The following KIDINS220 variants were observed in gnomAD, a reference collection of about 807,000 sequenced individuals.
KIDINS220 encodes the protein kinase D-interacting substrate of 220 kDa.
Under a neutral mutation model 157.6 loss-of-function variants are expected in KIDINS220, and 63 were observed. The observed-to-expected ratio is 0.40, with a 90% CI of 0.33 to 0.49. KIDINS220 has a LOEUF of 0.49. KIDINS220 is among the 20% of genes least tolerant of loss of function. The probability of loss-of-function intolerance (pLI) is 0.66; values close to 1 mark genes in which losing one functional copy is unlikely to be tolerated. For synonymous variants in KIDINS220, 732 were observed against 783.6 expected, an observed-to-expected ratio of 0.93 and a Z score of 1.10; for missense variants, 1,772 against 2,171.2, an observed-to-expected ratio of 0.82 and a Z score of 3.65.
intron 4 of KIDINS220, among the ~76,000 whole-genome samples, 160 bp from the exon 5 acceptor site, chr2:8,813,495 A>C (rs1676621425): frequency 6.6e-6 from 1 of 152,262 alleles, no homozygotes; most frequent in Non-Finnish European, 1.5e-5. Flanking sequence ...CAAATACAAT[A>C]GTACATGAAA....
chr2:8,804,632 C>T (rs922403711), intron 7 of KIDINS220, among the ~76,000 whole-genome samples: 9 of 152,204 alleles, frequency 5.9e-5, no homozygotes, highest in Non-Finnish European at 1.5e-5. Flanking sequence ...TACAATATTA[C>T]TTTAAATTTT....
intron 22 of KIDINS220, among the ~76,000 whole-genome samples, chr2:8,755,889 G>C (rs1439291827): frequency 3.9e-5 from 6 of 152,164 alleles, no homozygotes; most frequent in Non-Finnish European, 4.4e-5. Flanking sequence ...TAGCTTTGTA[G>C]TATGTCTGAA....
intron 22 of KIDINS220, chr2:8,757,118 T>C: frequency 3.1e-6 from 1 of 319,258 alleles, no homozygotes; most frequent in Non-Finnish European, 4.5e-6. Flanking sequence ...AAATTCATTT[T>C]AGGAAAAAAA....
intron 26 of KIDINS220, among the ~76,000 whole-genome samples, chr2:8,740,373 T>C (rs1402405716): frequency 6.6e-6 from 1 of 152,116 alleles, no homozygotes; most frequent in Non-Finnish European, 1.5e-5. Context: ...CCAACCACAG[T>C]AGCTGCATTC....
intron 26 of KIDINS220, among the ~76,000 whole-genome samples, chr2:8,742,976 A>C (rs1030173067): frequency 6.6e-6 from 1 of 152,206 alleles, no homozygotes; most frequent in Non-Finnish European, 1.5e-5. Context: ...GCCAAACTAC[A>C]GAGCTTCGAG....
chr2:8,775,676 G>A (rs1038536559), intron 21 of KIDINS220, among the ~76,000 whole-genome samples: 2 of 152,206 alleles, frequency 1.3e-5, no homozygotes. Context: ...ATTAATATGA[G>A]ACACAGGGAC....
chr2:8,790,185 G>A, intron 13 of KIDINS220, 126 bp from the exon 14 acceptor site: 1 of 788,098 alleles, frequency 1.3e-6, no homozygotes, highest in South Asian at 2.0e-5. Flanking sequence ...TCCCTAGATG[G>A]AATACTGCCA....
intron 15 of KIDINS220, among the ~76,000 whole-genome samples, chr2:8,787,989 T>G (rs952300368): frequency 6.6e-6 from 1 of 152,164 alleles, no homozygotes; most frequent in Non-Finnish European, 1.5e-5. Context: ...CCAAGGCCAG[T>G]GGCTGGACCC....
rs1671347834 is a variant in KIDINS220, at chr2:8,779,046, C to T, written c.2464G>A (p.Val822Met). 2 of 1,614,128 alleles carry T rather than the reference C, an allele frequency of 1.2e-6. No individual in the cohort carries two copies. Among genetic ancestry groups the T allele is most frequent in the East Asian group, 4.5e-5 (2 of 44,888 alleles). The part of the protein sequence containing the change: ...IKAINQNLNS[V>M]LRDSNINGHD... ...CCATTTATATTTGAATCCCGAAGCA[C>T]ACTATTGAGGTTCTGGTTAATTGCC... Residue 822 changes from valine (V) to methionine (M), a missense_variant, in exon 19 of 30, where the codon GTG (valine) becomes ATG (methionine). By Grantham distance (21) the Val-to-Met change is conservative (BLOSUM62 1). This residue lies in a region of KIDINS220 where 725 missense variants were observed against 1,017.1 expected (regional missense o/e 0.71). Coordinates refer to ENST00000256707, the MANE Select transcript of KIDINS220 (RefSeq NM_020738.4).
intron 28 of KIDINS220, 56 bp downstream of exon 28, chr2:8,734,599 T>G: frequency 8.2e-7 from 1 of 1,212,962 alleles, no homozygotes; most frequent in Non-Finnish European, 1.2e-6. Flanking sequence ...TATAAATAAT[T>G]TTGAATGTTA....
At chr2:8,805,901 T>C (rs1363669493) in intron 7 of KIDINS220, among the ~76,000 whole-genome samples, 1 of 152,176 alleles carries the variant, frequency 6.6e-6, no homozygotes, top group East Asian at 1.9e-4. Context: ...CAGCCAGATG[T>C]GTGTAAGTGC....
Position 8,729,000 on chromosome 2 carries a change from G to A in KIDINS220, c.*1720C>T. 1.1e-5 allele frequency: 11 copies of A among 979,432 alleles called. No individual in the cohort carries two copies. The highest frequency in any genetic ancestry group is 1.3e-5 in the Non-Finnish European group (11 of 824,128). The allele number at this position is 979,432 out of a possible 1,614,324, so 60.7% of individuals were successfully genotyped here. A position where few individuals can be genotyped will look rare whatever the true frequency, so the allele number is the denominator to read the frequency against. On this transcript the variant is annotated 3_prime_UTR_variant, in exon 30 of 30. Coordinates refer to ENST00000256707, the MANE Select transcript of KIDINS220 (RefSeq NM_020738.4). The stretch of plus-strand genomic sequence containing the variant: ...TATGCTAGTATTAATTTCACAAACA[G>A]TATAAAGAATGTACTCCAATGATAT...
chr2:8,779,576 A>G (rs1453307090), intron 18 of KIDINS220, 98 bp downstream of exon 18: 5 of 1,349,618 alleles, frequency 3.7e-6, no homozygotes. Flanking sequence ...ACTCAAACAA[A>G]AACCAATTCC....
At chr2:8,751,232 A>T (rs899926655) in intron 23 of KIDINS220, among the ~76,000 whole-genome samples, 2 of 150,290 alleles carry the variant, frequency 1.3e-5, no homozygotes, top group Admixed American at 1.3e-4. Flanking sequence ...ATAAAGTGAG[A>T]TCCACAAATA....
intron 22 of KIDINS220, among the ~76,000 whole-genome samples, chr2:8,763,480 T>C (rs1411851859): frequency 6.6e-6 from 1 of 152,224 alleles, no homozygotes; most frequent in East Asian, 1.9e-4. Flanking sequence ...AGATTAGGGA[T>C]ATGCAACCTG....
chr2:8,829,178 T>G (rs906862568), intron 1 of KIDINS220, among the ~76,000 whole-genome samples: 7 of 152,204 alleles, frequency 4.6e-5, no homozygotes, highest in African/African-American at 1.7e-4. Flanking sequence ...GGGAATGAGA[T>G]GGCTACAAAA....
At chr2:8,760,333 A>C (rs1001955651) in intron 22 of KIDINS220, among the ~76,000 whole-genome samples, 7 of 152,226 alleles carry the variant, frequency 4.6e-5, no homozygotes, top group Admixed American at 2.0e-4. Flanking sequence ...TATGCAAACC[A>C]GTACACTACA....
chr2:8,721,186 G>A (rs994270196), downstream of KIDINS220: 2 of 151,944 alleles, frequency 1.3e-5, no homozygotes, highest in Non-Finnish European at 2.9e-5. Flanking sequence ...CATTAATACT[G>A]TTCAATAATA....
At chr2:8,755,967 T>C (rs963543583) in intron 22 of KIDINS220, among the ~76,000 whole-genome samples, 2 of 152,244 alleles carry the variant, frequency 1.3e-5, no homozygotes, top group Non-Finnish European at 2.9e-5. Flanking sequence ...TGAGGTGTCT[T>C]GCAATTGCAT....
Sources: gnomAD v4.1 joint callset for allele counts (sites outside exome capture counted in the v4.1 genomes callset) on GRCh38, gnomAD v4.1.1 for gene constraint, gnomAD v4.1.1 regional missense constraint, MANE v1.5 for transcripts, NCBI Gene and HGNC (gene_info 2026-07-23, HGNC 2026-07-21) for gene names.